TRERF1: variants seen among roughly 807,000 people sequenced by gnomAD.
TRERF1 encodes transcriptional regulating factor 1.
A neutral mutation model predicts 122.9 loss-of-function variants in TRERF1; 27 were observed. The observed-to-expected ratio is 0.22, with a 90% confidence interval of 0.16 to 0.30. The LOEUF (loss-of-function observed/expected upper bound fraction) is 0.30, where lower values mean the gene tolerates loss of function less well. TRERF1 is among the 10% of genes least tolerant of loss of function. The pLI, the probability that TRERF1 is intolerant of heterozygous loss-of-function variation, is 1.00. For synonymous variants in TRERF1, 636 were observed against 641.7 expected (o/e 0.99, Z 0.13); for missense variants, 1,248 against 1,560.3 (o/e 0.80, Z 3.37).
chr6:42,442,041 C>T (rs1347856172), intron 2 of TRERF1, among the ~76,000 whole-genome samples: 1 of 152,162 alleles, frequency 6.6e-6, no homozygotes, highest in African/African-American at 2.4e-5. Context: ...AATGTCCTTA[C>T]TTACTGTGGC....
intron 2 of TRERF1, among the ~76,000 whole-genome samples, chr6:42,375,574 C>T (rs1457605883): frequency 6.6e-6 from 1 of 152,172 alleles, no homozygotes; most frequent in Non-Finnish European, 1.5e-5. Flanking sequence ...AAGCACCATG[C>T]CAGGCACTAA....
At chr6:42,390,351 A>G (rs1202149804) in intron 2 of TRERF1, among the ~76,000 whole-genome samples, 1 of 152,054 alleles carries the variant, frequency 6.6e-6, no homozygotes, top group African/African-American at 2.4e-5. Flanking sequence ...CACACTCACT[A>G]CTCATTCTCT....
chr6:42,380,538 C>G (rs191899262), intron 2 of TRERF1, among the ~76,000 whole-genome samples: 334 of 152,310 alleles, frequency 2.2e-3, no homozygotes, highest in African/African-American at 7.7e-3. Context: ...CTAGATGATA[C>G]TTTATGTCTT....
chr6:42,400,103 C>G (rs1779174884), intron 2 of TRERF1, among the ~76,000 whole-genome samples: 1 of 152,202 alleles, frequency 6.6e-6, no homozygotes, highest in Non-Finnish European at 1.5e-5. Context: ...AGAGGAAAAC[C>G]TGCTTTCACT....
chr6:42,322,540 G>C (rs1763620279), intron 3 of TRERF1, among the ~76,000 whole-genome samples: 1 of 152,092 alleles, frequency 6.6e-6, no homozygotes, highest in Non-Finnish European at 1.5e-5. Flanking sequence ...TATTGGGACA[G>C]ATAACTAAGC....
chr6:42,228,422 C>T lies in TRERF1; in HGVS notation c.3526G>A (p.Glu1176Lys). The stretch of plus-strand genomic sequence containing the variant: ...AGATCGGTGTCCACAACTTCAGCCT[C>T]TTCCATGACACCTCCCAACTGCTGG... The change falls in exon 18 of 18, where the codon GAG becomes AAG. Residue 1176 changes from glutamate (E) to lysine (K), a missense_variant. Glu to Lys is a moderately conservative substitution (Grantham distance 56, BLOSUM62 1). This residue lies in a region of TRERF1 where 84 missense variants were observed against 116.0 expected (regional missense o/e 0.72). Transcript: ENST00000372922. This position sits in a 1 kb window ranked among gnomAD's most constrained non-coding sequence, Gnocchi z 4.2. The T allele has an allele frequency of 6.2e-7, 1 of 1,614,238 alleles. No homozygotes were observed. Among genetic ancestry groups the T allele is most frequent in the Non-Finnish European group, 8.5e-7 (1 of 1,180,042 alleles).
At chr6:42,445,485 C>G (rs573959696) in intron 2 of TRERF1, among the ~76,000 whole-genome samples, 23 of 152,018 alleles carry the variant, frequency 1.5e-4, no homozygotes, top group Non-Finnish European at 2.9e-4. Flanking sequence ...CTCTCCATGC[C>G]GATGGCTCCC....
intron 13 of TRERF1, among the ~76,000 whole-genome samples, chr6:42,253,651 T>C (rs1776226519): frequency 6.6e-6 from 1 of 151,908 alleles, no homozygotes; most frequent in Non-Finnish European, 1.5e-5. Flanking sequence ...GTTCCAGGAG[T>C]GACCTACAGG....
intron 4 of TRERF1, among the ~76,000 whole-genome samples, chr6:42,286,330 A>G (rs1296617938): frequency 2.8e-5 from 4 of 143,590 alleles, no homozygotes; most frequent in South Asian, 2.2e-4. Flanking sequence ...ACAGCAAAAG[A>G]AACTACCATC....
At chr6:42,267,274 C>T (rs905044836) in intron 5 of TRERF1, among the ~76,000 whole-genome samples, 1 of 152,112 alleles carries the variant, frequency 6.6e-6, no homozygotes, top group Admixed American at 6.5e-5. Flanking sequence ...TTCAAGGATG[C>T]AGTGAGCTAT....
intron 2 of TRERF1, among the ~76,000 whole-genome samples, chr6:42,442,122 A>C (rs1161468809): frequency 3.3e-5 from 5 of 152,042 alleles, no homozygotes; most frequent in Admixed American, 3.3e-4. Context: ...AAGCCCCAAT[A>C]CTTCAGAATC....
Position 42,356,429 on chromosome 6 carries a change from A to C in TRERF1, c.-371+6568T>G, listed in dbSNP as rs554026597. On this transcript the variant is annotated intron_variant, in intron 3 of 17. Coordinates refer to ENST00000372922, the Ensembl canonical transcript of TRERF1. ...GAGGAAGAGGAGATTCCTGTCTCTG[A>C]GTGCACAAGGAAGAGATCAGGTGAG... Among the ~76,000 whole-genome samples, 4 of 152,368 alleles carry C rather than the reference A, an allele frequency of 2.6e-5. No homozygotes were observed. In the East Asian group the frequency reaches 7.7e-4, roughly 29 times the overall value.
chr6:42,351,403 C>T (rs1423941943), intron 3 of TRERF1, among the ~76,000 whole-genome samples: 1 of 152,114 alleles, frequency 6.6e-6, no homozygotes, highest in East Asian at 1.9e-4. Flanking sequence ...AGAAATGATA[C>T]ATCAATACAA....
chr6:42,283,771 C>T (rs1223681463), intron 4 of TRERF1, among the ~76,000 whole-genome samples: 2 of 151,890 alleles, frequency 1.3e-5, no homozygotes, highest in East Asian at 1.9e-4. Flanking sequence ...CATGCGCCAC[C>T]GTGCCTGGCT....
At chr6:42,298,487 C>T (rs1282605478) in intron 4 of TRERF1, among the ~76,000 whole-genome samples, 1 of 151,664 alleles carries the variant, frequency 6.6e-6, no homozygotes, top group Non-Finnish European at 1.5e-5. Context: ...ATTCAGAGTT[C>T]AGCACAGAGA....
At chr6:42,350,140 G>A (rs993297608) in intron 3 of TRERF1, among the ~76,000 whole-genome samples, 4 of 151,944 alleles carry the variant, frequency 2.6e-5, no homozygotes, top group African/African-American at 9.7e-5. Flanking sequence ...CCCACCCGAC[G>A]CAGGTCAGTG....
intron 2 of TRERF1, among the ~76,000 whole-genome samples, chr6:42,413,428 ATTT>A (rs5875802): frequency 8.4e-6 from 1 of 119,052 alleles, no homozygotes. Flanking sequence ...CAGAATCTGC[ATTT>A]TTTTTTTTTT....
chr6:42,303,148 G>T (rs1405845595), intron 3 of TRERF1, among the ~76,000 whole-genome samples: 3 of 152,156 alleles, frequency 2.0e-5, no homozygotes, highest in Admixed American at 1.3e-4. Context: ...TCCAATGTTG[G>T]CTGGTGCCTA....
intron 2 of TRERF1, among the ~76,000 whole-genome samples, chr6:42,376,831 G>A (rs1054709586): frequency 4.0e-5 from 6 of 151,108 alleles, no homozygotes; most frequent in Non-Finnish European, 5.9e-5. Flanking sequence ...GTGAGCCACC[G>A]CACCTGGCCT....
Sources: allele counts gnomAD v4.1 joint callset (sites outside exome capture counted in the v4.1 genomes callset), GRCh38; gene constraint gnomAD v4.1.1; regional missense constraint gnomAD v4.1.1; non-coding constraint Gnocchi (gnomAD v3.1); transcripts MANE v1.5; gene names NCBI Gene and HGNC (gene_info 2026-07-23, HGNC 2026-07-21).